DYNC1I1: variants seen among roughly 807,000 people sequenced by gnomAD.
DYNC1I1 encodes the protein dynein cytoplasmic 1 intermediate chain 1.
A neutral mutation model predicts 86.6 loss-of-function variants in DYNC1I1; 43 were observed. The observed-to-expected ratio is 0.50, with a 90% confidence interval of 0.39 to 0.64. The LOEUF (loss-of-function observed/expected upper bound fraction) is 0.64, where lower values mean the gene tolerates loss of function less well. Ranked by LOEUF, DYNC1I1 falls within the 30% of genes least tolerant of loss-of-function variation. The probability of loss-of-function intolerance (pLI) is 0.00; values close to 1 mark genes in which losing one functional copy is unlikely to be tolerated. For synonymous variants in DYNC1I1, 262 were observed against 283.7 expected (o/e 0.92, Z 0.77); for missense variants, 604 against 788.8 (o/e 0.77, Z 2.81).
Position 96,035,655 on chromosome 7 carries a change from G to A in DYNC1I1, c.1267G>A (p.Val423Ile). 1 of 1,611,338 alleles carries A rather than the reference G, an allele frequency of 6.2e-7. No homozygotes were observed. Among genetic ancestry groups the A allele is most frequent in the Non-Finnish European group, 8.5e-7 (1 of 1,178,850 alleles). Residue 423 changes from valine (V) to isoleucine (I), a missense_variant, in exon 13 of 17, where the codon GTC becomes ATC. By Grantham distance (29) the Val-to-Ile change is conservative. Coordinates refer to ENST00000447467, the MANE Select transcript of DYNC1I1 (RefSeq NM_001135556.2). Reference sequence around the variant, plus strand: ...GCTGGTGTACAATAAGTCCAAGCCTGTCGCTGTTACCGGAATGGCTTTCCC... The same window carrying A: ...GCTGGTGTACAATAAGTCCAAGCCTATCGCTGTTACCGGAATGGCTTTCCC... ...MELVYNKSKP[V>I]AVTGMAFPTG... is the part of the protein sequence containing the mutation.
intron 16 of DYNC1I1, among the ~76,000 whole-genome samples, chr7:96,084,716 C>A (rs1790628706): frequency 6.6e-6 from 1 of 152,070 alleles, no homozygotes; most frequent in African/African-American, 2.4e-5. Flanking sequence ...AGCCACTGCA[C>A]CCTGCCTCAT....
At chr7:96,058,011 A>G (rs1473535626) in intron 14 of DYNC1I1, among the ~76,000 whole-genome samples, 1 of 152,084 alleles carries the variant, frequency 6.6e-6, no homozygotes, top group Non-Finnish European at 1.5e-5. Flanking sequence ...TCCATTCTCC[A>G]TTTATCACCT....
At chr7:95,863,217 A>G (rs920638160) in intron 5 of DYNC1I1, among the ~76,000 whole-genome samples, 2 of 152,248 alleles carry the variant, frequency 1.3e-5, no homozygotes, top group Non-Finnish European at 2.9e-5. Flanking sequence ...ACATGCTACA[A>G]CATTGTTGAA....
intron 1 of DYNC1I1, among the ~76,000 whole-genome samples, chr7:95,776,845 C>T (rs1355480386): frequency 2.0e-5 from 3 of 152,176 alleles, no homozygotes; most frequent in African/African-American, 7.2e-5. Context: ...ATAATCAGTG[C>T]TTTATAGATG....
chr7:95,888,285 A>C (rs182465630), intron 6 of DYNC1I1, among the ~76,000 whole-genome samples: 49 of 152,194 alleles, frequency 3.2e-4, no homozygotes, highest in Non-Finnish European at 5.3e-4. Flanking sequence ...AAAGTACAAA[A>C]ATCTAGCTGA....
chr7:95,999,153 G>A (rs1793949676), intron 10 of DYNC1I1, among the ~76,000 whole-genome samples: 1 of 152,186 alleles, frequency 6.6e-6, no homozygotes, highest in Non-Finnish European at 1.5e-5. Flanking sequence ...GCTGTCTTCT[G>A]TAGTGGCTTC....
intron 6 of DYNC1I1, among the ~76,000 whole-genome samples, chr7:95,943,038 G>T (rs1290075773): frequency 8.7e-6 from 1 of 115,242 alleles, no homozygotes; most frequent in African/African-American, 3.3e-5. Context: ...TTAGGCAGGA[G>T]AAGGAAATAA....
chr7:95,912,559 A>G (rs368536160), intron 6 of DYNC1I1, among the ~76,000 whole-genome samples: 23 of 152,312 alleles, frequency 1.5e-4, no homozygotes, highest in East Asian at 1.4e-3. Context: ...ATGAGAAATC[A>G]TGTTCTGATC....
At chr7:96,049,035 A>G (rs1005574164) in intron 14 of DYNC1I1, among the ~76,000 whole-genome samples, 5 of 152,030 alleles carry the variant, frequency 3.3e-5, no homozygotes, top group Non-Finnish European at 5.9e-5. Flanking sequence ...CGAGGCAGGC[A>G]GATCACAAGG....
At chr7:95,939,868 A>G (rs1221785765) in intron 6 of DYNC1I1, among the ~76,000 whole-genome samples, 1 of 152,158 alleles carries the variant, frequency 6.6e-6, no homozygotes, top group Admixed American at 6.5e-5. Context: ...TTTGCTCGTT[A>G]GTTGATGGAG....
At chr7:95,929,642 G>T (rs537165261) in intron 6 of DYNC1I1, among the ~76,000 whole-genome samples, 10 of 152,290 alleles carry the variant, frequency 6.6e-5, no homozygotes, top group Non-Finnish European at 1.2e-4. Context: ...TTCAGATCAA[G>T]ATTCAGAATA....
chr7:95,918,728 A>T (rs117419565), intron 6 of DYNC1I1, among the ~76,000 whole-genome samples: 2,208 of 152,318 alleles, frequency 0.014, 35 homozygotes, highest in East Asian at 0.029. Flanking sequence ...GCGAAAATTT[A>T]TAGAGAGCTG....
At chr7:95,861,474 G>A (rs1584102950) in intron 5 of DYNC1I1, among the ~76,000 whole-genome samples, 3 of 152,024 alleles carry the variant, frequency 2.0e-5, no homozygotes, top group Non-Finnish European at 4.4e-5. Flanking sequence ...TCTGATATGC[G>A]CCTTTATTTA....
intron 6 of DYNC1I1, among the ~76,000 whole-genome samples, chr7:95,940,469 C>G (rs1026783328): frequency 4.6e-5 from 7 of 152,126 alleles, no homozygotes; most frequent in Non-Finnish European, 8.8e-5. Flanking sequence ...TCACATAGTC[C>G]CATATTTCTT....
chr7:96,042,722 T>C (rs1789085477), intron 14 of DYNC1I1, among the ~76,000 whole-genome samples: 1 of 152,200 alleles, frequency 6.6e-6, no homozygotes, highest in Non-Finnish European at 1.5e-5. Context: ...TGGAGAATAC[T>C]AGGTAAACAA....
At chr7:95,988,549 T>C (rs1239518874) in intron 9 of DYNC1I1, among the ~76,000 whole-genome samples, 1 of 152,106 alleles carries the variant, frequency 6.6e-6, no homozygotes, top group Non-Finnish European at 1.5e-5. Context: ...GTAAGTAACA[T>C]GCAAAGGCAC....
rs1388043886 is a variant in DYNC1I1 at position 95,782,786 on chromosome 7, C to G, written c.-10+10013C>G. Among the ~76,000 whole-genome samples, 6 of 152,076 alleles carry G rather than the reference C, an allele frequency of 3.9e-5. 1 individual carries two copies. The highest frequency in any genetic ancestry group is 2.1e-4 in the South Asian group (1 of 4,808). ...GTTTTATTGAGTGGTGGAGGTTGCT[C>G]TCAGTGGGATGAATGGGGAGCTGGA... On this transcript the variant is annotated intron_variant, in intron 1 of 16. Coordinates refer to ENST00000447467, the MANE Select transcript of DYNC1I1 (RefSeq NM_001135556.2).
intron 5 of DYNC1I1, among the ~76,000 whole-genome samples, chr7:95,866,697 T>A (rs1473036155): frequency 6.6e-6 from 1 of 152,250 alleles, no homozygotes; most frequent in Non-Finnish European, 1.5e-5. Flanking sequence ...TGCAGCTTCA[T>A]CCATCCAGAG....
chr7:95,849,290 T>A (rs756997910), intron 5 of DYNC1I1, among the ~76,000 whole-genome samples: 9 of 152,176 alleles, frequency 5.9e-5, no homozygotes, highest in Admixed American at 2.6e-4. Flanking sequence ...TTCCCAAAAA[T>A]CCTTGTCCAG....
Sources: allele counts gnomAD v4.1 joint callset (sites outside exome capture counted in the v4.1 genomes callset), GRCh38; gene constraint gnomAD v4.1.1; transcripts MANE v1.5; gene names NCBI Gene and HGNC (gene_info 2026-07-23, HGNC 2026-07-21).